The following GLIS3 variants were observed in gnomAD, a reference collection of about 807,000 sequenced individuals.
The protein encoded by GLIS3 is zinc finger protein GLIS3.
In GLIS3, 53 loss-of-function variants were observed where a neutral mutation model predicts 78.6. That is an observed-to-expected ratio of 0.67 (90% CI 0.54 to 0.85). The LOEUF (loss-of-function observed/expected upper bound fraction) is 0.85, where lower values mean the gene tolerates loss of function less well. Among genes scored for constraint, GLIS3 ranks in the 40% least tolerant of loss-of-function variants. GLIS3 has a pLI of 0.00. For missense variants in GLIS3, 1,703 were observed against 1,231.1 expected, an observed-to-expected ratio of 1.38 and a Z score of -5.74; for synonymous variants, 684 against 509.9, an observed-to-expected ratio of 1.34 and a Z score of -4.60.
chr9:4,254,955 G>C (rs530644489), intron 2 of GLIS3, among the ~76,000 whole-genome samples: 2 of 152,048 alleles, frequency 1.3e-5, no homozygotes, highest in South Asian at 2.1e-4. Flanking sequence ...ATCTGTTAAA[G>C]GACTGTTTAT....
At chr9:4,450,196 T>C in the GLIS3 span, among the ~76,000 whole-genome samples, 84,478 of 152,018 alleles carry the variant, frequency 0.56, 24,250 homozygotes, top group South Asian at 0.72. Context: ...AACTATGTGA[T>C]GCATACACAA....
intron 9 of GLIS3, among the ~76,000 whole-genome samples, chr9:3,832,887 G>A (rs995023455): frequency 5.9e-5 from 9 of 151,986 alleles, no homozygotes; most frequent in African/African-American, 1.9e-4. Flanking sequence ...TTAATCATTC[G>A]GGGACAATGA....
intron 4 of GLIS3, among the ~76,000 whole-genome samples, chr9:3,992,012 G>C (rs904990909): frequency 6.6e-6 from 1 of 152,118 alleles, no homozygotes; most frequent in African/African-American, 2.4e-5. Context: ...TTTTAAATGA[G>C]ACACTGTATC....
chr9:4,285,827 G>A (rs1052743113), intron 2 of GLIS3: 52 of 616,612 alleles, frequency 8.4e-5, no homozygotes, highest in Non-Finnish European at 1.4e-4. Context: ...AGTCCCAGGA[G>A]ATGTCTCATA....
At chr9:4,182,845 T>C (rs1817452272) in intron 2 of GLIS3, among the ~76,000 whole-genome samples, 1 of 152,192 alleles carries the variant, frequency 6.6e-6, no homozygotes, top group African/African-American at 2.4e-5. Flanking sequence ...AGTAAAAGCA[T>C]CTGAGTGCTC....
At chr9:4,379,122 T>C in the GLIS3 span, among the ~76,000 whole-genome samples, 3 of 152,206 alleles carry the variant, frequency 2.0e-5, no homozygotes, top group South Asian at 2.1e-4. Context: ...CACTGGACTG[T>C]AGGAAGGCGG....
the GLIS3 span, among the ~76,000 whole-genome samples, chr9:4,435,033 T>TGAACAACC: frequency 6.6e-6 from 1 of 152,220 alleles, no homozygotes; most frequent in South Asian, 2.1e-4. Flanking sequence ...ATTTGGGTTG[T>TGAACAACC]TCACAATCAT....
chr9:3,953,795 C>CTCTCTCTCTCTCTA (rs1403671770), intron 4 of GLIS3, among the ~76,000 whole-genome samples: 3 of 73,348 alleles, frequency 4.1e-5, no homozygotes, highest in East Asian at 5.2e-4. Context: ...CTCTCTCTCT[C>CTCTCTCTCTCTCTA]TATATATATA....
At chr9:4,308,605 C>T (rs1438030737) in intron 4 of GLIS3, among the ~76,000 whole-genome samples, 1 of 152,066 alleles carries the variant, frequency 6.6e-6, no homozygotes, top group East Asian at 1.9e-4. Context: ...GCTGGGTTCT[C>T]CTTAGAATAC....
At chr9:4,033,947 T>TA (rs565087971) in intron 4 of GLIS3, among the ~76,000 whole-genome samples, 1 of 151,180 alleles carries the variant, frequency 6.6e-6, no homozygotes, top group Non-Finnish European at 1.5e-5. Context: ...CATAAAGTTT[T>TA]AAAAAACTGT....
intron 8 of GLIS3, among the ~76,000 whole-genome samples, chr9:3,860,085 C>G (rs1349167833): frequency 6.6e-6 from 1 of 151,908 alleles, no homozygotes; most frequent in Non-Finnish European, 1.5e-5. Flanking sequence ...ACCATCCTGG[C>G]TAACACGGTG....
intron 4 of GLIS3, among the ~76,000 whole-genome samples, chr9:3,954,775 G>C (rs1422304679): frequency 6.6e-6 from 1 of 152,206 alleles, no homozygotes; most frequent in Admixed American, 6.5e-5. Context: ...AATTCTTTCA[G>C]GATCTAGAGG....
chr9:4,373,042 G>A, the GLIS3 span, among the ~76,000 whole-genome samples: 1 of 152,282 alleles, frequency 6.6e-6, no homozygotes, highest in Admixed American at 6.5e-5. Flanking sequence ...ACACAAGTTG[G>A]AATATTAAAT....
chr9:4,223,085 C>G (rs781411573), intron 2 of GLIS3, among the ~76,000 whole-genome samples: 10 of 152,156 alleles, frequency 6.6e-5, no homozygotes, highest in Non-Finnish European at 1.2e-4. Flanking sequence ...CTACACTTCA[C>G]AAGCAGAAAC....
chr9:4,205,888 TAAAAG>T (rs1819830990), intron 2 of GLIS3, among the ~76,000 whole-genome samples: 1 of 152,210 alleles, frequency 6.6e-6, no homozygotes, highest in African/African-American at 2.4e-5. Context: ...GAAATATGAA[TAAAAG>T]AAAACTGTTT....
At chr9:4,210,508 T>C (rs1820283941) in intron 2 of GLIS3, among the ~76,000 whole-genome samples, 1 of 152,256 alleles carries the variant, frequency 6.6e-6, no homozygotes, top group African/African-American at 2.4e-5. Context: ...CTTAAATTCA[T>C]ATCCAGCAAG....
chr9:3,985,230 T>A (rs908227259), intron 4 of GLIS3, among the ~76,000 whole-genome samples: 1 of 152,114 alleles, frequency 6.6e-6, no homozygotes, highest in Non-Finnish European at 1.5e-5. Context: ...GCAACCTCCA[T>A]CTCCAAGTCT....
intron 4 of GLIS3, among the ~76,000 whole-genome samples, chr9:4,039,807 A>G (rs925680400): frequency 2.0e-5 from 3 of 152,230 alleles, no homozygotes; most frequent in Non-Finnish European, 2.9e-5. Flanking sequence ...TAATGTCACA[A>G]TGGTCAAGTA....
rs1434701915 is a variant in GLIS3 at position 4,298,338 on chromosome 9, A to C, written c.-99+1083T>G. The C allele has an allele frequency of 6.6e-6, 3 of 455,578 alleles. No homozygotes were observed. The East Asian group carries it at 2.1e-4, about 32-fold the overall frequency. The allele number at this position is 455,578 out of a possible 1,614,324, so 28.2% of individuals were successfully genotyped here. The stretch of plus-strand genomic sequence containing the variant: ...CACCTCCAGCAAGTCGGAGGGCGCG[A>C]ACGCGGAGCCAGAAACCCTTCCCCA... On this transcript the variant is annotated intron_variant, in intron 1 of 10. Coordinates refer to ENST00000381971, the MANE Select transcript of GLIS3 (RefSeq NM_001042413.2).
Sources: allele counts gnomAD v4.1 joint callset (sites outside exome capture counted in the v4.1 genomes callset), GRCh38; gene constraint gnomAD v4.1.1; transcripts MANE v1.5; gene names NCBI Gene and HGNC (gene_info 2026-07-23, HGNC 2026-07-21).